Variants in TMEM92 observed in about 807,000 individuals in gnomAD.
TMEM92 encodes the protein transmembrane protein 92.
A neutral mutation model predicts 14.6 loss-of-function variants in TMEM92; 15 were observed. The observed-to-expected ratio is 1.03, with a 90% CI of 0.69 to 1.58. The LOEUF (loss-of-function observed/expected upper bound fraction) is 1.58, where lower values mean the gene tolerates loss of function less well. Among genes scored for constraint, TMEM92 ranks in the 40% most tolerant of loss-of-function variants. The pLI is 0.00. For missense variants in TMEM92, 174 were observed against 202.4 expected (o/e 0.86, Z 0.85); for synonymous variants, 85 against 83.3 (o/e 1.02, Z -0.11).
At chr17:50,276,128 C>T (rs1422162971) in intron 1 of TMEM92, among the ~76,000 whole-genome samples, 1 of 151,788 alleles carries the variant, frequency 6.6e-6, no homozygotes, top group African/African-American at 2.4e-5. Context: ...TAGACTCCAT[C>T]TCCAAAAAGA....
intron 1 of TMEM92, among the ~76,000 whole-genome samples, chr17:50,276,236 C>A (rs1910428461): frequency 6.6e-6 from 1 of 152,190 alleles, no homozygotes; most frequent in Admixed American, 6.5e-5. Context: ...CCCACCTCAG[C>A]CTCCCAAGGT....
Position 50,279,414 on chromosome 17 carries a change from G to T in TMEM92, c.*106G>T. The T allele has an allele frequency of 1.1e-6, 1 of 879,496 alleles. No homozygotes were observed. The highest frequency in any genetic ancestry group is 1.9e-6 in the Non-Finnish European group (1 of 537,528). 54.5% of individuals were successfully genotyped at this position (879,496 alleles called of 1,614,324 possible). ...CAGGAATGTCCCTGCCCATCCTGCC[G>T]TGTCTCTGTTCATTCTTGGATTTAA... On this transcript the variant is annotated 3_prime_UTR_variant, in exon 5 of 5. Coordinates refer to ENST00000507382, the MANE Select transcript of TMEM92 (RefSeq NM_153229.3).
At position 50,278,964 on chromosome 17, in the gene TMEM92, TC is replaced by T; in HGVS notation, c.337del (p.Leu113PhefsTer11). 1 of 1,610,512 alleles carries T rather than the reference TC, an allele frequency of 6.2e-7. No homozygotes were observed. The highest frequency in any genetic ancestry group is 1.3e-5 in the African/African-American group (1 of 74,684). The part of the protein sequence containing the change: ...SIIPPERVRV[S>X]LSAPPPPYSE... Reference sequence around the variant, plus strand: ...CATCCCCCCAGAGAGGGTCAGAGTATCCCTTTCTGCGCCCCCACCCCCCTAC... The same window carrying T: ...CATCCCCCCAGAGAGGGTCAGAGTATCCTTTCTGCGCCCCCACCCCCCTAC... On this transcript the variant is annotated frameshift_variant, in exon 4 of 5. Coordinates refer to ENST00000507382, the MANE Select transcript of TMEM92 (RefSeq NM_153229.3). LOFTEE classifies it low-confidence loss of function (END_TRUNC).
At chr17:50,279,034 C>A in intron 4 of TMEM92, 38 bp downstream of exon 4, 1 of 1,490,232 alleles carries the variant, frequency 6.7e-7, no homozygotes, top group Non-Finnish European at 9.3e-7. Context: ...TGCCTCTGGC[C>A]GGCTGTGCAG....
In TMEM92 at chr17:50,278,816, C is replaced by T. The variant is rs1910515596; in HGVS notation, c.186C>T (p.Ile62=). 1 of 1,612,060 alleles carries T rather than the reference C, an allele frequency of 6.2e-7. No homozygotes were observed. Reference sequence around the variant, plus strand: ...CCCACCCCAGGATCTTCGTCATCATCTTCCTGGTCATCCTGTCCGTCTTTT... The same window carrying T: ...CCCACCCCAGGATCTTCGTCATCATTTTCCTGGTCATCCTGTCCGTCTTTT... ...FPGPVRIFVI[I]FLVILSVFCI... The change falls in exon 4 of 5, where the codon ATC becomes ATT. Residue 62 remains isoleucine, a synonymous_variant. Coordinates refer to ENST00000507382, the MANE Select transcript of TMEM92 (RefSeq NM_153229.3).
chr17:50,279,100 T>C, intron 4 of TMEM92, 95 bp from the exon 5 acceptor site: 4 of 1,451,920 alleles, frequency 2.8e-6, no homozygotes, highest in Non-Finnish European at 3.9e-6. Flanking sequence ...CAGCATTGGG[T>C]CACCCCTCTC....
chr17:50,278,947 C>A lies in TMEM92; in HGVS notation c.317C>A (p.Pro106Gln). The A allele has an allele frequency of 1.9e-6, 3 of 1,613,152 alleles. No homozygotes were observed. Among genetic ancestry groups the A allele is most frequent in the Non-Finnish European group, 2.5e-6 (3 of 1,179,554 alleles). ...CTGGAACTGCCCTCCATCATCCCCC[C>A]AGAGAGGGTCAGAGTATCCCTTTCT... The part of the protein sequence containing the change: ...GPLELPSIIP[P>Q]ERVRVSLSAP... Residue 106 changes from proline (P) to glutamine (Q), a missense_variant, in exon 4 of 5, where the codon CCA (proline) becomes CAA (glutamine). By Grantham distance (76) the Pro-to-Gln change is moderately conservative (BLOSUM62 -1). Coordinates refer to ENST00000507382, the MANE Select transcript of TMEM92 (RefSeq NM_153229.3).
At position 50,277,716 on chromosome 17, in the gene TMEM92, T is replaced by G; in HGVS notation, c.71T>G (p.Ile24Ser). ...CCCGACCTCTCTTTTCTTCCACAGA[T>G]TGCAGCCAAATGTGGTCTCATCCTG... ...LFSLLAGPQK[I>S]AAKCGLILAC... Residue 24 changes from isoleucine (I) to serine (S), a missense_variant and splice_region_variant, in exon 2 of 5, where the codon ATT becomes AGT. Physicochemically the swap from Ile to Ser is moderately radical, Grantham distance 142. Transcript: ENST00000507382. The G allele has an allele frequency of 1.9e-6, 3 of 1,613,890 alleles. No individual in the cohort carries two copies. The highest frequency in any genetic ancestry group is 1.1e-5 in the South Asian group (1 of 91,066).
chr17:50,274,497 C>T lies in TMEM92; in HGVS notation c.-5C>T, dbSNP rs1384446570. On this transcript the variant is annotated 5_prime_UTR_variant, in exon 1 of 5. Transcript: ENST00000507382. ...ACAGGAAAGCTCAGTGGCCCCCAAG[C>T]CAGGATGTCCCAAGCTTGGGTCCCC... is the stretch of plus-strand genomic sequence containing the variant. 1 of 1,613,900 alleles carries T rather than the reference C, an allele frequency of 6.2e-7. No homozygotes were observed. Among genetic ancestry groups the T allele is most frequent in the Non-Finnish European group, 8.5e-7 (1 of 1,179,872 alleles).
chr17:50,279,845 G>A lies in TMEM92; in HGVS notation c.*537G>A. 5.8e-6 allele frequency: 1 copy of A among 173,084 alleles called. No individual in the cohort carries two copies. Among genetic ancestry groups the A allele is most frequent in the South Asian group, 1.3e-4 (1 of 7,530 alleles). 10.7% of individuals were successfully genotyped at this position (173,084 alleles called of 1,614,324 possible). On this transcript the variant is annotated 3_prime_UTR_variant, in exon 5 of 5. Coordinates refer to ENST00000507382, the MANE Select transcript of TMEM92 (RefSeq NM_153229.3). ...CCTCTGGCTGTGTGGGGAGGTGGGT[G>A]GAGAGGTGAGCCCAGGCACTGCTGA...
At chr17:50,274,315 A>C, upstream of TMEM92, 1 of 612,560 alleles carries the variant, frequency 1.6e-6, no homozygotes, top group Non-Finnish European at 2.9e-6. Context: ...CAAATCCCAA[A>C]ACCCAACCCA....
upstream of TMEM92, among the ~76,000 whole-genome samples, chr17:50,272,031 A>G (rs56964028): frequency 0.095 from 14,516 of 152,056 alleles, 834 homozygotes; most frequent in African/African-American, 0.14. Context: ...AAATATATAT[A>G]TATTGCATGG....
At chr17:50,279,102 A>G (rs939436847) in intron 4 of TMEM92, 93 bp from the exon 5 acceptor site, 225 of 1,454,716 alleles carry the variant, frequency 1.5e-4, no homozygotes, top group Non-Finnish European at 2.1e-4. Context: ...GCATTGGGTC[A>G]CCCCTCTCCC....
At chr17:50,274,033 C>T (rs980580754), upstream of TMEM92, among the ~76,000 whole-genome samples, 24 of 152,118 alleles carry the variant, frequency 1.6e-4, no homozygotes, top group Admixed American at 3.9e-4. Context: ...GGCTGGAGTG[C>T]ACTGGCACGA....
At chr17:50,277,873 C>G in intron 2 of TMEM92, 133 bp downstream of exon 2, 1 of 1,168,776 alleles carries the variant, frequency 8.6e-7, no homozygotes. Context: ...CAGAAACTGT[C>G]CCCCCACTTT....
chr17:50,278,745 G>C (rs1910512298), intron 3 of TMEM92, 56 bp from the exon 4 acceptor site: 1 of 1,573,572 alleles, frequency 6.4e-7, no homozygotes, highest in African/African-American at 1.4e-5. Flanking sequence ...GGGAGATGTA[G>C]GGAGTCCCCA....
At chr17:50,277,030 G>C (rs1480507657) in intron 1 of TMEM92, among the ~76,000 whole-genome samples, 2 of 152,180 alleles carry the variant, frequency 1.3e-5, no homozygotes, top group South Asian at 2.1e-4. Flanking sequence ...GGGAAATTCT[G>C]TAAGATGCCC....
At chr17:50,274,131 A>T (rs1910338463), upstream of TMEM92, among the ~76,000 whole-genome samples, 1 of 150,176 alleles carries the variant, frequency 6.7e-6, no homozygotes, top group South Asian at 2.1e-4. Flanking sequence ...GGCACCCGCC[A>T]CCACGCCCGG....
In TMEM92 at chr17:50,278,941, T is replaced by TC. The variant is rs1367713244; in HGVS notation, c.317dup (p.Glu107ArgfsTer16). ...GGGCCCCTGGAACTGCCCTCCATCA[T>TC]CCCCCCAGAGAGGGTCAGAGTATCC... is the stretch of plus-strand genomic sequence containing the variant. On this transcript the variant is annotated frameshift_variant, in exon 4 of 5. Transcript: ENST00000507382. LOFTEE classifies it high-confidence loss of function. 6.2e-7 allele frequency: 1 copy of TC among 1,612,214 alleles called. No individual in the cohort carries two copies. The highest frequency in any genetic ancestry group is 2.2e-5 in the East Asian group (1 of 44,768).
Sources: allele counts gnomAD v4.1 joint callset (sites outside exome capture counted in the v4.1 genomes callset), GRCh38; gene constraint gnomAD v4.1.1; transcripts MANE v1.5; gene names NCBI Gene and HGNC (gene_info 2026-07-23, HGNC 2026-07-21).